Variants in CCDC85C observed in about 807,000 individuals in gnomAD.
The protein encoded by CCDC85C is coiled-coil domain-containing protein 85C.
Under a neutral mutation model 38.3 loss-of-function variants are expected in CCDC85C, and 18 were observed. The observed-to-expected ratio is 0.47, with a 90% CI of 0.33 to 0.70. The LOEUF is 0.70. Among genes scored for constraint, CCDC85C ranks in the 30% least tolerant of loss-of-function variants. CCDC85C has a pLI of 0.03. For synonymous variants in CCDC85C, 264 were observed against 293.8 expected, an observed-to-expected ratio of 0.90 and a Z score of 1.04; for missense variants, 566 against 621.2, an observed-to-expected ratio of 0.91 and a Z score of 0.94.
In CCDC85C at chr14:99,515,222, G is replaced by C. The variant is rs773964458; in HGVS notation, c.*24C>G. The C allele has an allele frequency of 1.3e-6, 2 of 1,535,840 alleles. No homozygotes were observed. The highest frequency in any genetic ancestry group is 2.4e-5 in the South Asian group (2 of 83,570). On this transcript the variant is annotated 3_prime_UTR_variant, in exon 6 of 6. Transcript: ENST00000380243. ...CCCCTGGGGACCCCCAGCAGGGCCA[G>C]TCCACGTCCACAGAAGAGTGGCCCT... is the stretch of plus-strand genomic sequence containing the variant.
intron 1 of CCDC85C, among the ~76,000 whole-genome samples, chr14:99,540,812 G>T (rs1187746906): frequency 6.6e-6 from 1 of 152,206 alleles, no homozygotes; most frequent in Non-Finnish European, 1.5e-5. Context: ...TGAGGAGGGG[G>T]TGGGGGAAAG....
intron 1 of CCDC85C, among the ~76,000 whole-genome samples, chr14:99,537,869 C>T (rs1416158369): frequency 6.6e-6 from 1 of 152,164 alleles, no homozygotes; most frequent in Non-Finnish European, 1.5e-5. Flanking sequence ...GTGCTGGGTC[C>T]CTCTGAGCAT....
chr14:99,592,842 C>T (rs908041011), intron 1 of CCDC85C, among the ~76,000 whole-genome samples: 1 of 152,096 alleles, frequency 6.6e-6, no homozygotes, highest in African/African-American at 2.4e-5. Flanking sequence ...GAGACAATGG[C>T]GGAAGCGGAG....
At position 99,594,867 on chromosome 14, in the gene CCDC85C, A is replaced by G. The variant is rs185685262; in HGVS notation, c.793+8300T>C. Among the ~76,000 whole-genome samples the G allele has an allele frequency of 3.5e-4, 54 of 152,322 alleles. No individual in the cohort carries two copies. In the East Asian group the frequency reaches 5.2e-3, roughly 15 times the overall value. ...CTTCCAAGACCCCCAGGCAGGGAGC[A>G]TGTCAGCTGACAAGGCCACTCAGGC... On this transcript the variant is annotated intron_variant, in intron 1 of 5. Coordinates refer to ENST00000380243, the MANE Select transcript of CCDC85C (RefSeq NM_001144995.2).
At chr14:99,555,138 G>A (rs1011352081) in intron 1 of CCDC85C, among the ~76,000 whole-genome samples, 7 of 152,216 alleles carry the variant, frequency 4.6e-5, no homozygotes, top group African/African-American at 1.7e-4. Context: ...GAGGCGGGCG[G>A]GACAGGGAGC....
intron 1 of CCDC85C, among the ~76,000 whole-genome samples, chr14:99,585,475 TTTGCTCTTTGCTCAAA>T (rs1414201887): frequency 6.6e-6 from 1 of 152,192 alleles, no homozygotes; most frequent in Non-Finnish European, 1.5e-5. Context: ...TGTGCCTCAA[TTTGCTCTTTGCTCAAA>T]TGGGGAACAT....
In CCDC85C at chr14:99,588,322, C is replaced by A. The variant is rs1266890921; in HGVS notation, c.793+14845G>T. On this transcript the variant is annotated intron_variant, in intron 1 of 5. Transcript: ENST00000380243. The surrounding 1 kb of genome is among the most constrained non-coding windows in gnomAD (Gnocchi z 5.0). ...GGACACCCATCCAGGGTGGCTTCAG[C>A]CAGGCCGGCCAGTCCTGTGCACAAA... Among the ~76,000 whole-genome samples the A allele has an allele frequency of 6.6e-6, 1 of 151,940 alleles. No individual in the cohort carries two copies. Among genetic ancestry groups the A allele is most frequent in the Non-Finnish European group, 1.5e-5 (1 of 68,000 alleles).
rs980017855 is a variant in CCDC85C, at chr14:99,502,629, C to T, written c.*12617G>A. 1.6e-4 allele frequency: 215 copies of T among 1,303,422 alleles called. No individual in the cohort carries two copies. Among genetic ancestry groups the T allele is most frequent in the Non-Finnish European group, 2.1e-4 (198 of 926,254 alleles). The allele number at this position is 1,303,422 out of a possible 1,614,324, so 80.7% of individuals were successfully genotyped here. A position where few individuals can be genotyped will look rare whatever the true frequency, so the allele number is the denominator to read the frequency against. On this transcript the variant is annotated 3_prime_UTR_variant, in exon 6 of 6. Coordinates refer to ENST00000380243, the MANE Select transcript of CCDC85C (RefSeq NM_001144995.2). ...TAAATGTGATTCATGCTTAGGTCCT[C>T]GTAGGGGTATCATAACTGATTCTTT...
intron 1 of CCDC85C, among the ~76,000 whole-genome samples, chr14:99,540,811 G>A (rs781162480): frequency 6.6e-6 from 1 of 152,196 alleles, no homozygotes; most frequent in Non-Finnish European, 1.5e-5. Flanking sequence ...ATGAGGAGGG[G>A]GTGGGGGAAA....
intron 1 of CCDC85C, among the ~76,000 whole-genome samples, chr14:99,578,809 G>A (rs897114792): frequency 1.3e-5 from 2 of 152,184 alleles, no homozygotes; most frequent in African/African-American, 4.8e-5. Flanking sequence ...ACCGGAGCTG[G>A]CTTCTCTAAG....
At chr14:99,598,220 T>C (rs1319698025) in intron 1 of CCDC85C, among the ~76,000 whole-genome samples, 1 of 152,176 alleles carries the variant, frequency 6.6e-6, no homozygotes, top group Non-Finnish European at 1.5e-5. Context: ...TTTTCCCACT[T>C]GGCAAAAGAG....
intron 1 of CCDC85C, among the ~76,000 whole-genome samples, chr14:99,580,457 C>T (rs1464788951): frequency 6.2e-5 from 7 of 113,508 alleles, no homozygotes; most frequent in Admixed American, 4.7e-4. Context: ...ACATGAGGGA[C>T]GTCCCCAGTG....
Position 99,603,758 on chromosome 14 carries a change from G to C in CCDC85C, c.202C>G (p.Arg68Gly). Residue 68 changes from arginine to glycine, a missense_variant, in exon 1 of 6, where the codon CGC becomes GGC. Arg to Gly is a moderately radical substitution (Grantham distance 125, BLOSUM62 -2). Coordinates refer to ENST00000380243, the MANE Select transcript of CCDC85C (RefSeq NM_001144995.2). The surrounding 1 kb of genome is among the most constrained non-coding windows in gnomAD (Gnocchi z 7.5). ...CGCTGGTTCACGTCCTTGAGGCCGC[G>C]GATCTCCAGCAGGTGCTGCTGCAGC... is the stretch of plus-strand genomic sequence containing the variant. Reference protein sequence around the residue: ...RRLQQHLLEIRGLKDVNQRLQ... With the variant: ...RRLQQHLLEIGGLKDVNQRLQ... 3 of 1,524,398 alleles carry C rather than the reference G, an allele frequency of 2.0e-6. No homozygotes were observed. The East Asian group carries it at 7.6e-5, about 39-fold the overall frequency. The allele number at this position is 1,524,398 out of a possible 1,614,324, so 94.4% of individuals were successfully genotyped here. A position where few individuals can be genotyped will look rare whatever the true frequency, so the allele number is the denominator to read the frequency against.
intron 1 of CCDC85C, among the ~76,000 whole-genome samples, chr14:99,579,672 G>A (rs550325069): frequency 1.3e-5 from 2 of 152,300 alleles, no homozygotes; most frequent in African/African-American, 4.8e-5. Flanking sequence ...TGAGGTGGGG[G>A]CTATGGTCAG....
At chr14:99,585,972 C>T (rs866316129) in intron 1 of CCDC85C, among the ~76,000 whole-genome samples, 1 of 152,346 alleles carries the variant, frequency 6.6e-6, no homozygotes, top group Admixed American at 6.5e-5. Context: ...TTCCAGGTTG[C>T]CCTTCCCTGC....
intron 1 of CCDC85C, among the ~76,000 whole-genome samples, chr14:99,563,716 G>A (rs1052812638): frequency 7.9e-5 from 12 of 152,196 alleles, no homozygotes; most frequent in African/African-American, 1.7e-4. Context: ...ACCCACTCCC[G>A]TGGGCCGTGC....
intron 1 of CCDC85C, among the ~76,000 whole-genome samples, chr14:99,597,799 C>T (rs2055158620): frequency 6.6e-6 from 1 of 152,218 alleles, no homozygotes; most frequent in African/African-American, 2.4e-5. Flanking sequence ...GACTCAGCTG[C>T]CTCCGACCCT....
rs1453985074 is a variant in CCDC85C at position 99,503,340 on chromosome 14, A to G, written c.*11906T>C. 3 of 601,356 alleles carry G rather than the reference A, an allele frequency of 5.0e-6. No homozygotes were observed. Among genetic ancestry groups the G allele is most frequent in the Admixed American group, 2.9e-5 (1 of 34,254 alleles). The allele number at this position is 601,356 out of a possible 1,614,324, so 37.3% of individuals were successfully genotyped here. A position where few individuals can be genotyped will look rare whatever the true frequency, so the allele number is the denominator to read the frequency against. On this transcript the variant is annotated 3_prime_UTR_variant, in exon 6 of 6. Coordinates refer to ENST00000380243, the MANE Select transcript of CCDC85C (RefSeq NM_001144995.2). ...AACAGTGGACCGTTTCCTGCACCCA[A>G]GTGGTCCTGAAACTTAGTGTTTACT...
chr14:99,518,585 C>T (rs937257507), intron 3 of CCDC85C, among the ~76,000 whole-genome samples: 5 of 151,616 alleles, frequency 3.3e-5, no homozygotes, highest in Admixed American at 6.5e-5. Flanking sequence ...GCACTCCCCG[C>T]GCCAGACAGC....
Sources: allele counts gnomAD v4.1 joint callset (sites outside exome capture counted in the v4.1 genomes callset), GRCh38; gene constraint gnomAD v4.1.1; non-coding constraint Gnocchi (gnomAD v3.1); transcripts MANE v1.5; gene names NCBI Gene and HGNC (gene_info 2026-07-23, HGNC 2026-07-21).